Variants in CADM2 observed in about 807,000 individuals in gnomAD.
The protein encoded by CADM2 is cell adhesion molecule 2.
Under a neutral mutation model 49.8 loss-of-function variants are expected in CADM2, and 12 were observed. The ratio of observed to expected loss-of-function variants is 0.24; its 90% CI spans 0.15 to 0.39. The LOEUF (loss-of-function observed/expected upper bound fraction) is 0.39, where lower values mean the gene tolerates loss of function less well. CADM2 is among the 10% of genes least tolerant of loss of function. The pLI is 1.00. For missense variants in CADM2, 378 were observed against 492.3 expected (o/e 0.77, Z 2.20); for synonymous variants, 214 against 175.4 (o/e 1.22, Z -1.74).
chr3:85,024,133 T>A (rs980907317), intron 1 of CADM2, among the ~76,000 whole-genome samples: 1 of 151,984 alleles, frequency 6.6e-6, no homozygotes, highest in African/African-American at 2.4e-5. Context: ...ACACAAGGAG[T>A]GAAACATGTT....
At chr3:85,526,909 G>A (rs1576721963) in intron 1 of CADM2, among the ~76,000 whole-genome samples, 1 of 152,142 alleles carries the variant, frequency 6.6e-6, no homozygotes, top group Non-Finnish European at 1.5e-5. Context: ...GTAAGAATTT[G>A]TTTAGGATTT....
chr3:85,013,454 T>C lies in CADM2; in HGVS notation c.61+53786T>C, dbSNP rs1214029031. Reference sequence around the variant, plus strand: ...AAAGAAAAATATCCCAAAGATGTTATGGTTTTATGAGATCTAAGGAGAAAT... The same window carrying C: ...AAAGAAAAATATCCCAAAGATGTTACGGTTTTATGAGATCTAAGGAGAAAT... On this transcript the variant is annotated intron_variant, in intron 1 of 9. Transcript: ENST00000383699. 2.6e-5 allele frequency among the ~76,000 whole-genome samples: 4 copies of C among 151,916 alleles called. No individual in the cohort carries two copies. In the South Asian group the frequency reaches 6.2e-4, roughly 24 times the overall value.
chr3:85,597,262 A>G (rs1055649555), intron 1 of CADM2, among the ~76,000 whole-genome samples: 1 of 152,070 alleles, frequency 6.6e-6, no homozygotes, highest in Non-Finnish European at 1.5e-5. Flanking sequence ...TCAAATCTAT[A>G]TGGTACTTTG....
chr3:85,303,041 T>C (rs2044136974), intron 1 of CADM2, among the ~76,000 whole-genome samples: 1 of 151,996 alleles, frequency 6.6e-6, no homozygotes, highest in Admixed American at 6.6e-5. Context: ...ACAGTTCATG[T>C]AATTAATTAA....
intron 3 of CADM2, among the ~76,000 whole-genome samples, chr3:85,880,850 C>T (rs1361265073): frequency 3.3e-5 from 5 of 152,118 alleles, no homozygotes; most frequent in Non-Finnish European, 7.4e-5. Flanking sequence ...TGATGTATCT[C>T]GATATAGAGT....
intron 1 of CADM2, among the ~76,000 whole-genome samples, chr3:85,708,826 A>T (rs1191453773): frequency 6.6e-6 from 1 of 152,118 alleles, no homozygotes; most frequent in African/African-American, 2.4e-5. Flanking sequence ...GACCTGCCTG[A>T]AATATACACA....
At chr3:85,843,042 G>A (rs1439431617) in intron 3 of CADM2, among the ~76,000 whole-genome samples, 3 of 152,006 alleles carry the variant, frequency 2.0e-5, no homozygotes, top group Admixed American at 6.6e-5. Context: ...TATTGGCAGA[G>A]GAAATAGAAA....
At chr3:85,006,260 A>G (rs1475940403) in intron 1 of CADM2, among the ~76,000 whole-genome samples, 1 of 152,132 alleles carries the variant, frequency 6.6e-6, no homozygotes, top group Non-Finnish European at 1.5e-5. Flanking sequence ...ATTATAATCA[A>G]AGGGCATAAT....
chr3:85,691,815 G>A, intron 1 of CADM2, among the ~76,000 whole-genome samples: 1 of 152,186 alleles, frequency 6.6e-6, no homozygotes, highest in Non-Finnish European at 1.5e-5. Context: ...ATGAGTTCAT[G>A]TCCTTTGTAG....
chr3:84,972,709 T>G (rs2031543468), intron 1 of CADM2, among the ~76,000 whole-genome samples: 1 of 152,234 alleles, frequency 6.6e-6, no homozygotes, highest in African/African-American at 2.4e-5. Flanking sequence ...GCCTTTGGTT[T>G]TCTGAAGCAT....
At chr3:85,704,422 C>A (rs1410628402) in intron 1 of CADM2, among the ~76,000 whole-genome samples, 1 of 152,134 alleles carries the variant, frequency 6.6e-6, no homozygotes, top group Non-Finnish European at 1.5e-5. Flanking sequence ...GTTCAGGAAG[C>A]TGGAAGACCA....
chr3:85,360,324 A>G (rs540770198), intron 1 of CADM2, among the ~76,000 whole-genome samples: 3 of 152,276 alleles, frequency 2.0e-5, no homozygotes, highest in South Asian at 4.1e-4. Flanking sequence ...TTTAAAGTAT[A>G]TGTTCTATCC....
intron 2 of CADM2, among the ~76,000 whole-genome samples, chr3:85,761,739 G>A (rs532637648): frequency 2.0e-3 from 310 of 152,244 alleles, no homozygotes; most frequent in African/African-American, 6.8e-3. Context: ...CAACCATTGG[G>A]AAAAGAGATG....
intron 1 of CADM2, among the ~76,000 whole-genome samples, chr3:85,636,622 A>T (rs2107536901): frequency 6.6e-6 from 1 of 152,268 alleles, no homozygotes; most frequent in Admixed American, 6.5e-5. Context: ...TTCACTCACC[A>T]CTTACTCACT....
chr3:85,503,637 C>T (rs4637303), intron 1 of CADM2, among the ~76,000 whole-genome samples: 92,983 of 152,022 alleles, frequency 0.61, 29,458 homozygotes, highest in East Asian at 0.93. Flanking sequence ...TGTATATTTC[C>T]CTACATACCA....
intron 1 of CADM2, among the ~76,000 whole-genome samples, chr3:85,076,901 G>A (rs1467936995): frequency 2.0e-5 from 3 of 152,100 alleles, no homozygotes; most frequent in African/African-American, 7.2e-5. Context: ...GAACCCAGGA[G>A]GTGGAGGTTG....
chr3:85,877,554 C>T (rs1712068248), intron 3 of CADM2, among the ~76,000 whole-genome samples: 1 of 151,928 alleles, frequency 6.6e-6, no homozygotes, highest in South Asian at 2.1e-4. Flanking sequence ...AAAATATTTT[C>T]AAAGTTCACT....
intron 1 of CADM2, among the ~76,000 whole-genome samples, chr3:85,262,527 T>C (rs551958064): frequency 2.4e-4 from 36 of 152,270 alleles, no homozygotes; most frequent in African/African-American, 8.7e-4. Context: ...ATAAATGATA[T>C]ATTTTATTTG....
intron 1 of CADM2, among the ~76,000 whole-genome samples, chr3:84,976,372 C>A (rs906729646): frequency 6.6e-5 from 10 of 151,186 alleles, no homozygotes; most frequent in African/African-American, 2.2e-4. Flanking sequence ...GACTATCAGA[C>A]CAATACCTAT....
Sources: gnomAD v4.1 joint callset for allele counts (sites outside exome capture counted in the v4.1 genomes callset) on GRCh38, gnomAD v4.1.1 for gene constraint, MANE v1.5 for transcripts, NCBI Gene and HGNC (gene_info 2026-07-23, HGNC 2026-07-21) for gene names.